Variants in GLB1L3 observed in about 807,000 individuals in gnomAD.
GLB1L3 encodes galactosidase beta 1 like 3, also known as beta-galactosidase-1-like protein 3.
A neutral mutation model predicts 89.5 loss-of-function variants in GLB1L3; 89 were observed. The ratio of observed to expected loss-of-function variants is 0.99; its 90% CI spans 0.84 to 1.19. The LOEUF (loss-of-function observed/expected upper bound fraction) is 1.19, where lower values mean the gene tolerates loss of function less well. Among genes scored for constraint, GLB1L3 ranks in the 50% most tolerant of loss-of-function variants. GLB1L3 has a pLI of 0.00. For synonymous variants in GLB1L3, 314 were observed against 312.3 expected, an observed-to-expected ratio of 1.01 and a Z score of -0.06; for missense variants, 812 against 813.3, an observed-to-expected ratio of 1.00 and a Z score of 0.02.
chr11:134,307,171 C>T lies in GLB1L3; in HGVS notation c.924C>T (p.Asp308=). 2 of 1,613,640 alleles carry T rather than the reference C, an allele frequency of 1.2e-6. No individual in the cohort carries two copies. Among genetic ancestry groups the T allele is most frequent in the Non-Finnish European group, 1.7e-6 (2 of 1,179,732 alleles). Residue 308 remains aspartate, a synonymous_variant, in exon 10 of 20, where the codon GAC becomes GAT. Transcript: ENST00000431683. ...LIMEYWVGWF[D]RWGDKHHVKD... ...TGGAATACTGGGTCGGCTGGTTCGA[C>T]AGATGGGGAGATAAGCACCATGTTA...
chr11:134,305,428 CGCT>C, intron 9 of GLB1L3: 2 of 338,266 alleles, frequency 5.9e-6, no homozygotes, highest in Non-Finnish European at 1.1e-5. Flanking sequence ...AATGCTTTTG[CGCT>C]TCTTCCTCCT....
chr11:134,285,823 C>G (rs773438427), intron 6 of GLB1L3, among the ~76,000 whole-genome samples: 3 of 151,682 alleles, frequency 2.0e-5, no homozygotes, highest in Admixed American at 6.6e-5. Flanking sequence ...AGGCTGATAT[C>G]TTACTCTTCT....
At chr11:134,276,284 T>G, upstream of GLB1L3, 1 of 156,626 alleles carries the variant, frequency 6.4e-6, no homozygotes, top group Non-Finnish European at 1.4e-5. Context: ...AACCCTCGTT[T>G]TAGGATCTGC....
intron 10 of GLB1L3, among the ~76,000 whole-genome samples, chr11:134,308,393 CACCA>C (rs1942427848): frequency 1.4e-5 from 1 of 69,138 alleles, no homozygotes; most frequent in Non-Finnish European, 2.9e-5. Context: ...CCACCATCAC[CACCA>C]TCACCATCAC....
intron 8 of GLB1L3, 61 bp downstream of exon 8, chr11:134,292,274 G>T: frequency 1.6e-6 from 2 of 1,260,030 alleles, no homozygotes; most frequent in East Asian, 2.4e-5. Flanking sequence ...TGTAAATCTT[G>T]AACACACTGC....
chr11:134,287,020 G>C (rs1026947581), intron 6 of GLB1L3: 3 of 151,372 alleles, frequency 2.0e-5, no homozygotes, highest in Non-Finnish European at 4.4e-5. Context: ...AATGAGCCGG[G>C]CGTGGTGGCG....
intron 10 of GLB1L3, among the ~76,000 whole-genome samples, chr11:134,308,664 C>CCACCACCACCAACACCACCAA: frequency 6.7e-6 from 1 of 150,058 alleles, no homozygotes; most frequent in Non-Finnish European, 1.5e-5. Flanking sequence ...ATCACCACCA[C>CCACCACCACCAACACCACCAA]CACCACCACC....
chr11:134,312,714 G>A (rs1942797219), intron 14 of GLB1L3, 102 bp from the exon 15 acceptor site: 6 of 1,019,778 alleles, frequency 5.9e-6, no homozygotes, highest in African/African-American at 1.6e-5. Flanking sequence ...CACCACAGCT[G>A]GTCCCTGCCT....
Position 134,277,767 on chromosome 11 carries a change from A to C in GLB1L3, c.217A>C (p.Thr73Pro), listed in dbSNP as rs1940458215. The change falls in exon 3 of 20, where the codon ACA becomes CCA. Residue 73 changes from threonine (T) to proline (P), a missense_variant. Around this residue, in one of 3 missense-constraint regions of GLB1L3, gnomAD observed 191 missense variants for 191.4 expected, o/e 1.00. Transcript: ENST00000431683. Reference protein sequence around the residue: ...NRSVGLGTESTGRGKPHFTLE... With the variant: ...NRSVGLGTESPGRGKPHFTLE... ...ATCTGTGGGACTTGGAACTGAAAGCACAGGTCGGGGTAAGCCCCACTTCAC... is the reference window on the plus strand; with the variant it reads ...ATCTGTGGGACTTGGAACTGAAAGCCCAGGTCGGGGTAAGCCCCACTTCAC... 5 of 1,613,852 alleles carry C rather than the reference A, an allele frequency of 3.1e-6. No homozygotes were observed. The highest frequency in any genetic ancestry group is 4.2e-6 in the Non-Finnish European group (5 of 1,179,920).
At chr11:134,297,876 A>AAAAAAAAAAAAAG (rs1555077361) in intron 9 of GLB1L3, among the ~76,000 whole-genome samples, 33 of 110,838 alleles carry the variant, frequency 3.0e-4, no homozygotes, top group Non-Finnish European at 4.1e-4. Context: ...AAAAAAAAAA[A>AAAAAAAAAAAAAG]AAAGAAAGAA....
chr11:134,277,122 TC>T, intron 1 of GLB1L3: 1 of 678,684 alleles, frequency 1.5e-6, no homozygotes, highest in Non-Finnish European at 2.6e-6. Context: ...TGAACGTCTG[TC>T]CCCGGCCTTC....
At position 134,293,955 on chromosome 11, in the gene GLB1L3, C is replaced by T. The variant is rs540586303; in HGVS notation, c.876+746C>T. On this transcript the variant is annotated intron_variant, in intron 9 of 19. Transcript: ENST00000431683. ...CTCCCTTGAGGGCCTTCCTTCCATTCCAGCACACTGCAGCCCCGAAGGCTA... is the reference window on the plus strand; with the variant it reads ...CTCCCTTGAGGGCCTTCCTTCCATTTCAGCACACTGCAGCCCCGAAGGCTA... 4.5e-4 allele frequency among the ~76,000 whole-genome samples: 69 copies of T among 152,304 alleles called. 1 individual carries two copies. Among genetic ancestry groups the T allele is most frequent in the Admixed American group, 1.6e-3 (24 of 15,304 alleles).
intron 3 of GLB1L3, 99 bp downstream of exon 3, chr11:134,278,011 T>C: frequency 1.9e-5 from 21 of 1,095,484 alleles, no homozygotes; most frequent in Non-Finnish European, 2.7e-5. Context: ...CGTGAGGACT[T>C]ACCTTCCGCA....
chr11:134,308,163 CCACCAG>C (rs1357291315), intron 10 of GLB1L3, among the ~76,000 whole-genome samples: 92 of 141,996 alleles, frequency 6.5e-4, no homozygotes, highest in African/African-American at 2.3e-3. Context: ...ACCAACACCA[CCACCAG>C]CACCACCACC....
intron 9 of GLB1L3, among the ~76,000 whole-genome samples, chr11:134,294,192 G>A (rs1236522520): frequency 1.3e-5 from 2 of 151,782 alleles, no homozygotes; most frequent in Non-Finnish European, 2.9e-5. Flanking sequence ...TCAGCCTCCC[G>A]GGTAGCTGTG....
intron 5 of GLB1L3, 35 bp from the exon 6 acceptor site, chr11:134,283,702 G>A (rs374634023): frequency 1.4e-5 from 18 of 1,299,676 alleles, no homozygotes; most frequent in East Asian, 7.1e-5. Context: ...CTCCCAACCC[G>A]TCTCAGACCC....
intron 9 of GLB1L3, chr11:134,305,234 AATTATGTAAAGTGC>A: frequency 1.3e-6 from 1 of 789,378 alleles, no homozygotes; most frequent in Non-Finnish European, 2.2e-6. Flanking sequence ...TGATGCACTG[AATTATGTAAAGTGC>A]ATTCCCTTCA....
chr11:134,286,743 C>G (rs1475028650), intron 6 of GLB1L3, among the ~76,000 whole-genome samples: 2 of 151,120 alleles, frequency 1.3e-5, no homozygotes, highest in Non-Finnish European at 2.9e-5. Context: ...CGCCACCGCA[C>G]TCCAGCCTGG....
chr11:134,303,166 A>G (rs1462948198), intron 9 of GLB1L3, among the ~76,000 whole-genome samples: 1 of 152,128 alleles, frequency 6.6e-6, no homozygotes, highest in Non-Finnish European at 1.5e-5. Context: ...GACCTCTCTG[A>G]TTAATATTTG....
Sources: allele counts gnomAD v4.1 joint callset (sites outside exome capture counted in the v4.1 genomes callset), GRCh38; gene constraint gnomAD v4.1.1; regional missense constraint gnomAD v4.1.1; transcripts MANE v1.5; gene names NCBI Gene and HGNC (gene_info 2026-07-23, HGNC 2026-07-21).